Variants in ARHGAP24 observed in about 807,000 individuals in gnomAD.
ARHGAP24 encodes Rho GTPase activating protein 24, also known as rho GTPase-activating protein 24.
A neutral mutation model predicts 76.4 loss-of-function variants in ARHGAP24; 50 were observed. The ratio of observed to expected loss-of-function variants is 0.65; its 90% confidence interval spans 0.52 to 0.83. ARHGAP24 has a LOEUF of 0.83. Among genes scored for constraint, ARHGAP24 ranks in the 40% least tolerant of loss-of-function variants. The pLI is 0.00. For missense variants in ARHGAP24, 930 were observed against 914.2 expected (o/e 1.02, Z -0.22); for synonymous variants, 345 against 323.3 (o/e 1.07, Z -0.72).
At chr4:85,966,430 G>T (rs1265578558) in intron 5 of ARHGAP24, among the ~76,000 whole-genome samples, 1 of 152,100 alleles carries the variant, frequency 6.6e-6, no homozygotes, top group African/African-American at 2.4e-5. Context: ...ACAGTCCTTT[G>T]GTTTTGTATA....
At chr4:85,494,197 G>C (rs1246417423) in intron 1 of ARHGAP24, among the ~76,000 whole-genome samples, 1 of 151,642 alleles carries the variant, frequency 6.6e-6, no homozygotes, top group Non-Finnish European at 1.5e-5. Flanking sequence ...TATGCAGAAC[G>C]TGCAGCTTTG....
chr4:86,000,440 T>TGGGGGGGGGGGGGGGGGGGGGGGGG, intron 9 of ARHGAP24, 39 bp from the exon 10 acceptor site: 2 of 861,206 alleles, frequency 2.3e-6, no homozygotes, highest in African/African-American at 1.6e-5. Context: ...CTCTTACTCT[T>TGGGGGGGGGGGGGGGGGGGGGGGGG]GCGTCCCCAC....
At chr4:85,732,595 C>T (rs1467384394) in intron 3 of ARHGAP24, among the ~76,000 whole-genome samples, 2 of 152,026 alleles carry the variant, frequency 1.3e-5, no homozygotes, top group Non-Finnish European at 2.9e-5. Context: ...TAAAATGGAC[C>T]TTATCTTTAT....
chr4:85,822,606 C>T (rs905150156), intron 3 of ARHGAP24, among the ~76,000 whole-genome samples: 5 of 152,192 alleles, frequency 3.3e-5, no homozygotes, highest in African/African-American at 9.6e-5. Flanking sequence ...CTCTGAAATA[C>T]GTGTTCATGC....
chr4:85,549,836 C>T (rs760789431), intron 1 of ARHGAP24, among the ~76,000 whole-genome samples: 1 of 152,166 alleles, frequency 6.6e-6, no homozygotes, highest in Non-Finnish European at 1.5e-5. Flanking sequence ...GTTTAGCTCC[C>T]ACATATAAGT....
intron 3 of ARHGAP24, among the ~76,000 whole-genome samples, chr4:85,742,781 G>A (rs898732150): frequency 6.6e-6 from 1 of 152,162 alleles, no homozygotes; most frequent in African/African-American, 2.4e-5. Flanking sequence ...TAGCTAGCCT[G>A]TACGTTTCTT....
In ARHGAP24 at chr4:85,704,581, G is replaced by A. The variant is rs149337090; in HGVS notation, c.181-17304G>A. 1.9e-3 allele frequency among the ~76,000 whole-genome samples: 289 copies of A among 152,216 alleles called. 1 individual carries two copies. The highest frequency in any genetic ancestry group is 6.1e-3 in the Admixed American group (94 of 15,286). ...ATTTTCCATTTACTGGATATAAGAC[G>A]ATGTGCTGTGACCTGTGGAGGGATT... On this transcript the variant is annotated intron_variant, in intron 2 of 9. Transcript: ENST00000395184.
intron 2 of ARHGAP24, among the ~76,000 whole-genome samples, chr4:85,654,181 A>C (rs1003115661): frequency 6.6e-6 from 1 of 152,146 alleles, no homozygotes; most frequent in Non-Finnish European, 1.5e-5. Flanking sequence ...GTGCTGGCAG[A>C]GTTGGGTTCC....
chr4:85,935,839 T>A (rs1736601208), intron 4 of ARHGAP24, among the ~76,000 whole-genome samples: 2 of 152,154 alleles, frequency 1.3e-5, no homozygotes, highest in African/African-American at 4.8e-5. Context: ...TCTTAATCCT[T>A]CCTAGCATTT....
At chr4:85,877,157 A>G (rs1259338661) in intron 3 of ARHGAP24, among the ~76,000 whole-genome samples, 1 of 152,112 alleles carries the variant, frequency 6.6e-6, no homozygotes, top group East Asian at 1.9e-4. Context: ...CTCTTTAAAA[A>G]TGTTTTTAGT....
chr4:85,637,745 C>T (rs1404656529), intron 2 of ARHGAP24, among the ~76,000 whole-genome samples: 1 of 151,612 alleles, frequency 6.6e-6, no homozygotes, highest in Non-Finnish European at 1.5e-5. Context: ...ATTAATTTCA[C>T]TTTTTTTTAC....
intron 1 of ARHGAP24, among the ~76,000 whole-genome samples, chr4:85,483,954 G>A (rs577433179): frequency 6.6e-6 from 1 of 152,186 alleles, no homozygotes; most frequent in East Asian, 1.9e-4. Context: ...GGTGGCATTT[G>A]GAAATCATGA....
chr4:85,677,862 A>G (rs952028572), intron 2 of ARHGAP24, among the ~76,000 whole-genome samples: 1 of 152,150 alleles, frequency 6.6e-6, no homozygotes, highest in East Asian at 1.9e-4. Flanking sequence ...AGCCTGAAAA[A>G]CATAGCAAGA....
At position 85,994,797 on chromosome 4, in the gene ARHGAP24, A is replaced by G. The variant is rs1418752067; in HGVS notation, c.1143A>G (p.Ser381=). Residue 381 remains serine, a synonymous_variant, in exon 9 of 10, where the codon TCA becomes TCG. Coordinates refer to ENST00000395184, the MANE Select transcript of ARHGAP24 (RefSeq NM_001025616.3). Reference sequence around the variant, plus strand: ...AGTGCTCCTGGGACAAGTCTGAGTCACCCCAGAGAAGCAGCATGAACAATG... The same window carrying G: ...AGTGCTCCTGGGACAAGTCTGAGTCGCCCCAGAGAAGCAGCATGAACAATG... ...SRQCSWDKSE[S]PQRSSMNNGS... is the part of the protein sequence containing the mutation. The G allele has an allele frequency of 6.2e-7, 1 of 1,614,134 alleles. No individual in the cohort carries two copies. Among genetic ancestry groups the G allele is most frequent in the Non-Finnish European group, 8.5e-7 (1 of 1,180,020 alleles).
At chr4:85,864,971 C>A (rs1732111753) in intron 3 of ARHGAP24, among the ~76,000 whole-genome samples, 1 of 151,970 alleles carries the variant, frequency 6.6e-6, no homozygotes, top group Admixed American at 6.6e-5. Flanking sequence ...AAAATAAGTT[C>A]CATATGTCTC....
intron 9 of ARHGAP24, among the ~76,000 whole-genome samples, chr4:85,997,649 T>TTTCTTA (rs1553952453): frequency 4.4e-4 from 67 of 152,212 alleles, no homozygotes; most frequent in Non-Finnish European, 8.1e-4. Flanking sequence ...TTTCTTTTCT[T>TTTCTTA]ATTTTTTTTT....
chr4:85,927,072 A>T (rs1161004771), intron 4 of ARHGAP24, among the ~76,000 whole-genome samples: 1 of 152,210 alleles, frequency 6.6e-6, no homozygotes, highest in East Asian at 1.9e-4. Flanking sequence ...AGAAAAAAAA[A>T]TCTGAAACAA....
intron 5 of ARHGAP24, among the ~76,000 whole-genome samples, chr4:85,952,385 A>G (rs903598750): frequency 3.3e-5 from 5 of 152,190 alleles, no homozygotes; most frequent in Admixed American, 6.5e-5. Flanking sequence ...TGTTTTGCAC[A>G]TATCTGTCCT....
chr4:85,552,223 C>T (rs1041115938), intron 1 of ARHGAP24, among the ~76,000 whole-genome samples: 2 of 152,110 alleles, frequency 1.3e-5, no homozygotes, highest in African/African-American at 4.8e-5. Context: ...CATGTTGTAT[C>T]TTTGTTCTCA....
Sources: allele counts gnomAD v4.1 joint callset (sites outside exome capture counted in the v4.1 genomes callset), GRCh38; gene constraint gnomAD v4.1.1; transcripts MANE v1.5; gene names NCBI Gene and HGNC (gene_info 2026-07-23, HGNC 2026-07-21).